ABTB3: variants seen among roughly 807,000 people sequenced by gnomAD.
ABTB3 encodes the protein ankyrin repeat- and BTB/POZ domain-containing protein 3.
At chr12:107,583,254 TC>T in the ABTB3 span, among the ~76,000 whole-genome samples, 1 of 152,104 alleles carries the variant, frequency 6.6e-6, no homozygotes, top group Non-Finnish European at 1.5e-5. Flanking sequence ...TTAACTAAAG[TC>T]CCCGAGCCTC....
the ABTB3 span, among the ~76,000 whole-genome samples, chr12:107,516,710 C>T: frequency 3.3e-5 from 5 of 152,308 alleles, no homozygotes; most frequent in Non-Finnish European, 7.3e-5. Flanking sequence ...GAAAGGCCCA[C>T]CTTACAAAGG....
At chr12:107,474,158 G>A in the ABTB3 span, among the ~76,000 whole-genome samples, 1 of 152,144 alleles carries the variant, frequency 6.6e-6, no homozygotes, top group Non-Finnish European at 1.5e-5. Flanking sequence ...TGGTGACTGC[G>A]CCCAGTCCTG....
the ABTB3 span, among the ~76,000 whole-genome samples, chr12:107,542,994 C>A: frequency 5.3e-5 from 8 of 152,108 alleles, no homozygotes; most frequent in Non-Finnish European, 8.8e-5. Flanking sequence ...GTAGTTCCAG[C>A]CTGCATTGTT....
the ABTB3 span, chr12:107,617,020 C>A: frequency 3.3e-6 from 5 of 1,499,340 alleles, no homozygotes; most frequent in African/African-American, 6.9e-5. Flanking sequence ...CCCATCCCAG[C>A]AGTCTTTCCT....
At chr12:107,635,850 A>ACCCCCCCCCCCCCCCCCCCC in the ABTB3 span, among the ~76,000 whole-genome samples, 2 of 56,616 alleles carry the variant, frequency 3.5e-5, no homozygotes, top group Admixed American at 2.4e-4. Flanking sequence ...GGGAGGAACA[A>ACCCCCCCCCCCCCCCCCCCC]CCCCCCCCCC....
chr12:107,433,419 G>A, the ABTB3 span, among the ~76,000 whole-genome samples: 1 of 151,896 alleles, frequency 6.6e-6, no homozygotes, highest in East Asian at 1.9e-4. Context: ...TACCCAAGCA[G>A]CTATTGGGAA....
At chr12:107,446,983 T>C in the ABTB3 span, among the ~76,000 whole-genome samples, 1 of 152,352 alleles carries the variant, frequency 6.6e-6, no homozygotes, top group South Asian at 2.1e-4. Flanking sequence ...TCTCATTCTT[T>C]GAAAGGTTAT....
the ABTB3 span, among the ~76,000 whole-genome samples, chr12:107,461,200 G>T: frequency 6.6e-6 from 1 of 152,110 alleles, no homozygotes; most frequent in African/African-American, 2.4e-5. Context: ...CCACCCCCAT[G>T]ATACAATTAT....
At chr12:107,452,352 G>A in the ABTB3 span, among the ~76,000 whole-genome samples, 11 of 151,870 alleles carry the variant, frequency 7.2e-5, no homozygotes, top group Admixed American at 3.3e-4. Context: ...GGACACAGGC[G>A]CCCACCACCA....
chr12:107,446,721 G>A, the ABTB3 span, among the ~76,000 whole-genome samples: 1 of 152,122 alleles, frequency 6.6e-6, no homozygotes, highest in African/African-American at 2.4e-5. Flanking sequence ...TCATTACAGT[G>A]GATTATCTGG....
At chr12:107,451,435 T>C in the ABTB3 span, among the ~76,000 whole-genome samples, 1 of 152,246 alleles carries the variant, frequency 6.6e-6, no homozygotes, top group Non-Finnish European at 1.5e-5. Flanking sequence ...AATGGATGGA[T>C]GTGCTCCCTG....
chr12:107,610,477 G>A, the ABTB3 span: 156 of 1,055,018 alleles, frequency 1.5e-4, no homozygotes, highest in East Asian at 3.7e-3. Context: ...CCTACTGACG[G>A]CTTAGATTGC....
At chr12:107,354,290 A>G in the ABTB3 span, among the ~76,000 whole-genome samples, 1 of 152,186 alleles carries the variant, frequency 6.6e-6, no homozygotes, top group Non-Finnish European at 1.5e-5. Flanking sequence ...AATGGTTTTC[A>G]GTATATTCAG....
chr12:107,446,952 G>T, the ABTB3 span, among the ~76,000 whole-genome samples: 1 of 152,162 alleles, frequency 6.6e-6, no homozygotes, highest in African/African-American at 2.4e-5. Context: ...TTTTAAAAGG[G>T]TGGGATTTTA....
At chr12:107,391,551 A>G in the ABTB3 span, among the ~76,000 whole-genome samples, 10 of 152,260 alleles carry the variant, frequency 6.6e-5, no homozygotes, top group African/African-American at 2.2e-4. Flanking sequence ...TGAATTCTAC[A>G]GGTGGAGACC....
chr12:107,342,233 G>A, the ABTB3 span, among the ~76,000 whole-genome samples: 1 of 151,996 alleles, frequency 6.6e-6, no homozygotes, highest in African/African-American at 2.4e-5. Context: ...ATGGATGCCA[G>A]ATTCATATTC....
chr12:107,515,027 T>C, the ABTB3 span, among the ~76,000 whole-genome samples: 2 of 152,152 alleles, frequency 1.3e-5, no homozygotes, highest in Non-Finnish European at 1.5e-5. Flanking sequence ...CTCTCATACC[T>C]CACTCCCATC....
the ABTB3 span, among the ~76,000 whole-genome samples, chr12:107,411,910 G>GAGCAAGTCCTTTTAT: frequency 6.6e-6 from 1 of 152,150 alleles, no homozygotes; most frequent in East Asian, 1.9e-4. Context: ...GGTGGTTCTG[G>GAGCAAGTCCTTTTAT]GGACTGAGAG....
the ABTB3 span, among the ~76,000 whole-genome samples, chr12:107,554,666 C>T: frequency 8.5e-5 from 13 of 152,290 alleles, no homozygotes; most frequent in Admixed American, 8.5e-4. Context: ...CTTGAATCAC[C>T]TGGGATCTTC....
Sources: allele counts gnomAD v4.1 joint callset (sites outside exome capture counted in the v4.1 genomes callset), GRCh38; gene constraint gnomAD v4.1.1; transcripts MANE v1.5; gene names NCBI Gene and HGNC (gene_info 2026-07-23, HGNC 2026-07-21).